The following INSL6 variants were observed in gnomAD, a reference collection of about 807,000 sequenced individuals.
The protein encoded by INSL6 is insulin-like peptide INSL6.
A neutral mutation model predicts 9.4 loss-of-function variants in INSL6; 16 were observed. The observed-to-expected ratio is 1.70, with a 90% CI of 1.15 to 2.59. The LOEUF is 2.59. Among genes scored for constraint, INSL6 ranks in the 30% most tolerant of loss-of-function variants. The pLI is 0.00. For synonymous variants in INSL6, 154 were observed against 96.9 expected, an observed-to-expected ratio of 1.59 and a Z score of -3.46; for missense variants, 391 against 257.3, an observed-to-expected ratio of 1.52 and a Z score of -3.56.
At chr9:5,088,816 A>ATAAGGGCTAGT in the INSL6 span, among the ~76,000 whole-genome samples, 1 of 152,222 alleles carries the variant, frequency 6.6e-6, no homozygotes, top group Non-Finnish European at 1.5e-5. Context: ...TAAGGGCACT[A>ATAAGGGCTAGT]GCCTTGTCAC....
the INSL6 span, among the ~76,000 whole-genome samples, chr9:5,078,645 G>A: frequency 6.6e-6 from 1 of 152,096 alleles, no homozygotes; most frequent in Admixed American, 6.5e-5. Context: ...ACCATGGACT[G>A]TGAGGTGATT....
At chr9:5,117,582 G>A in the INSL6 span, among the ~76,000 whole-genome samples, 2 of 152,090 alleles carry the variant, frequency 1.3e-5, no homozygotes, top group South Asian at 2.1e-4. Flanking sequence ...GTAAAACAAT[G>A]TGACTCTTAT....
At chr9:5,123,065 G>A, downstream of INSL6, 1 of 1,611,936 alleles carries the variant, frequency 6.2e-7, no homozygotes, top group Non-Finnish European at 8.5e-7. Context: ...TTGGAGCTTT[G>A]GAGTGGTTCT....
the INSL6 span, chr9:5,090,494 T>A: frequency 6.3e-7 from 1 of 1,592,032 alleles, no homozygotes; most frequent in Non-Finnish European, 8.6e-7. Context: ...TATGGAAGTT[T>A]ACGAGACTAT....
At chr9:5,122,803 G>C (rs1271323404), downstream of INSL6, among the ~76,000 whole-genome samples, 3 of 151,834 alleles carry the variant, frequency 2.0e-5, no homozygotes, top group African/African-American at 7.3e-5. Context: ...CTCTTATTTA[G>C]GGAATTGTGG....
At chr9:5,065,149 GTT>G in the INSL6 span, 1 of 642,868 alleles carries the variant, frequency 1.6e-6, no homozygotes, top group Non-Finnish European at 2.3e-6. Context: ...AATTTGACAA[GTT>G]TTTTTTAAAC....
At chr9:5,170,665 C>T (rs1475670316) in intron 1 of INSL6, among the ~76,000 whole-genome samples, 2 of 151,690 alleles carry the variant, frequency 1.3e-5, no homozygotes, top group South Asian at 4.2e-4. Context: ...GATATCACCA[C>T]TGACCCCACA....
the INSL6 span, chr9:5,081,661 T>C: frequency 8.5e-7 from 1 of 1,170,434 alleles, no homozygotes; most frequent in Non-Finnish European, 1.3e-6. Context: ...CTTGAATGTA[T>C]ATCAGTTTAG....
chr9:5,185,486 T>C lies in INSL6; in HGVS notation c.117A>G (p.Lys39=). 6.2e-7 allele frequency: 1 copy of C among 1,614,198 alleles called. No homozygotes were observed. ...CATGGCCGCAGAGTTTTTCTATTTC[T>C]TTCACCAAGTACCTGCCGCACAGCT... ...ARKLCGRYLV[K]EIEKLCGHAN... The change falls in exon 1 of 2, where the codon AAA becomes AAG. Residue 39 remains lysine (K), a synonymous_variant. Coordinates refer to ENST00000381641, the MANE Select transcript of INSL6 (RefSeq NM_007179.3).
At chr9:5,173,622 G>T (rs1262117385) in intron 1 of INSL6, among the ~76,000 whole-genome samples, 1 of 152,122 alleles carries the variant, frequency 6.6e-6, no homozygotes, top group Admixed American at 6.5e-5. Context: ...GGTGGGGTTG[G>T]GGGAGGGCCA....
chr9:5,072,352 G>A, the INSL6 span: 2 of 533,132 alleles, frequency 3.8e-6, no homozygotes, highest in African/African-American at 1.9e-5. Context: ...TTAATTTGGA[G>A]TCTTAAATCT....
chr9:5,050,622 T>C, the INSL6 span: 2 of 1,452,660 alleles, frequency 1.4e-6, no homozygotes, highest in Non-Finnish European at 1.9e-6. Flanking sequence ...TAAAATATAA[T>C]CATAGATTAA....
At chr9:5,092,408 A>G in the INSL6 span, among the ~76,000 whole-genome samples, 3 of 152,190 alleles carry the variant, frequency 2.0e-5, no homozygotes, top group Admixed American at 2.0e-4. Flanking sequence ...TTGGACAAAC[A>G]AAGTGTCGCT....
At chr9:5,155,620 G>A (rs1346528186) in intron 2 of INSL6, among the ~76,000 whole-genome samples, 1 of 151,752 alleles carries the variant, frequency 6.6e-6, no homozygotes, top group African/African-American at 2.4e-5. Context: ...TCCTTTGCAG[G>A]GACATGAATG....
downstream of INSL6, among the ~76,000 whole-genome samples, chr9:5,162,516 C>G (rs1824948066): frequency 6.6e-6 from 1 of 152,140 alleles, no homozygotes; most frequent in African/African-American, 2.4e-5. Context: ...CAGACCTATA[C>G]CCTTTTAAAC....
At chr9:5,003,352 G>A in the INSL6 span, among the ~76,000 whole-genome samples, 6 of 151,922 alleles carry the variant, frequency 3.9e-5, no homozygotes, top group Admixed American at 2.0e-4. Context: ...TCTTATATCA[G>A]CATGGTCTAT....
chr9:5,080,391 A>G, the INSL6 span: 6 of 1,601,906 alleles, frequency 3.7e-6, no homozygotes, highest in Non-Finnish European at 5.1e-6. Context: ...GTAAGTTTAT[A>G]TAGACTAAGT....
At chr9:5,151,485 A>C (rs1824712104) in intron 2 of INSL6, among the ~76,000 whole-genome samples, 1 of 152,188 alleles carries the variant, frequency 6.6e-6, no homozygotes, top group East Asian at 1.9e-4. Flanking sequence ...TGTATGGCAC[A>C]AACACCAGAA....
the INSL6 span, among the ~76,000 whole-genome samples, chr9:5,012,702 T>A: frequency 0.088 from 13,442 of 152,202 alleles, 1,729 homozygotes; most frequent in African/African-American, 0.29. Context: ...GAATAGATCG[T>A]TTGACAAGGC....
Sources: allele counts gnomAD v4.1 joint callset (sites outside exome capture counted in the v4.1 genomes callset), GRCh38; gene constraint gnomAD v4.1.1; transcripts MANE v1.5; gene names NCBI Gene and HGNC (gene_info 2026-07-23, HGNC 2026-07-21).